The following WBP4 variants were observed in gnomAD, a reference collection of about 807,000 sequenced individuals.
WBP4 encodes the protein WW domain-binding protein 4.
WBP4 carries 37 observed loss-of-function variants against 55.4 expected under a neutral mutation model. The ratio of observed to expected loss-of-function variants is 0.67; its 90% confidence interval spans 0.51 to 0.88. The LOEUF is 0.88. Among genes scored for constraint, WBP4 ranks in the 40% least tolerant of loss-of-function variants. The pLI, the probability that WBP4 is intolerant of heterozygous loss-of-function variation, is 0.00. For missense variants in WBP4, 398 were observed against 420.8 expected (o/e 0.95, Z 0.47); for synonymous variants, 142 against 140.2 (o/e 1.01, Z -0.09).
At chr13:41,066,114 C>T (rs531229297) in intron 4 of WBP4, among the ~76,000 whole-genome samples, 97 of 152,214 alleles carry the variant, frequency 6.4e-4, no homozygotes, top group Middle Eastern at 3.4e-3. Context: ...TTGTTTGGTT[C>T]CTTGAGGATA....
At position 41,073,163 on chromosome 13, in the gene WBP4, A is replaced by G. The variant is rs181308103; in HGVS notation, c.562+306A>G. 6.9e-4 allele frequency among the ~76,000 whole-genome samples: 105 copies of G among 152,326 alleles called. 1 individual carries two copies. The highest frequency in any genetic ancestry group is 2.4e-3 in the African/African-American group (98 of 41,578). Reference sequence around the variant, plus strand: ...TTATAATTATTTTAGAAATATAGTCATTACCTTGGAAGGTAGCTTAGAGAT... The same window carrying G: ...TTATAATTATTTTAGAAATATAGTCGTTACCTTGGAAGGTAGCTTAGAGAT... On this transcript the variant is annotated intron_variant, in intron 7 of 9. Coordinates refer to ENST00000379487, the MANE Select transcript of WBP4 (RefSeq NM_007187.5).
chr13:41,062,649 A>G lies in WBP4; in HGVS notation c.8A>G (p.Asp3Gly), dbSNP rs769041912. 2 of 1,613,646 alleles carry G rather than the reference A, an allele frequency of 1.2e-6. No individual in the cohort carries two copies. Among genetic ancestry groups the G allele is most frequent in the Admixed American group, 3.3e-5 (2 of 59,970 alleles). Residue 3 changes from aspartate (D) to glycine (G), a missense_variant, in exon 2 of 10, where the codon GAC (aspartate) becomes GGC (glycine). Physicochemically the swap from Asp to Gly is moderately conservative, Grantham distance 94 (BLOSUM62 -1). Transcript: ENST00000379487. MA[D>G]YWKSQPKKFC... ...TTGTTGTCTCTCTTTTTCAGGGCGGACTACTGGAAGTCACAGCCAAAGAAA... is the reference window on the plus strand; with the variant it reads ...TTGTTGTCTCTCTTTTTCAGGGCGGGCTACTGGAAGTCACAGCCAAAGAAA...
At position 41,065,051 on chromosome 13, in the gene WBP4, G is replaced by A. The variant is rs970800820; in HGVS notation, c.111G>A (p.Lys37=). The A allele has an allele frequency of 6.3e-7, 1 of 1,593,896 alleles. No homozygotes were observed. The highest frequency in any genetic ancestry group is 2.3e-5 in the East Asian group (1 of 44,294). Residue 37 remains lysine (K), a synonymous_variant, in exon 3 of 10, where the codon AAG becomes AAA. Transcript: ENST00000379487. ...VEFHERGKNH[K]ENVAKRISEI... is the part of the protein sequence containing the mutation. Reference sequence around the variant, plus strand: ...TTCATGAAAGAGGAAAGAATCATAAGGAAAATGTGGCAAAAAGGATCAGTG... The same window carrying A: ...TTCATGAAAGAGGAAAGAATCATAAAGAAAATGTGGCAAAAAGGATCAGTG...
chr13:41,067,196 C>T (rs1370454768), intron 4 of WBP4, among the ~76,000 whole-genome samples: 1 of 152,136 alleles, frequency 6.6e-6, no homozygotes, highest in Non-Finnish European at 1.5e-5. Context: ...TCAAGCAATC[C>T]ACCTGCCTGG....
chr13:41,062,782 G>A (rs978629144), intron 2 of WBP4, 66 bp downstream of exon 2: 1 of 1,452,432 alleles, frequency 6.9e-7, no homozygotes, highest in Non-Finnish European at 9.4e-7. Flanking sequence ...CCTTTTTGAT[G>A]TAAACTCAGT....
rs746203140 is a variant in WBP4 at position 41,061,699 on chromosome 13, A to C, written c.2+24A>C. ...ATGTGAGTTGGGTCTCAGGCCCTGA[A>C]CAACGAGGTGTTGTTTCTCTGGGCC... On this transcript the variant is annotated intron_variant, in intron 1 of 9. Transcript: ENST00000379487. 5.6e-6 allele frequency: 9 copies of C among 1,613,918 alleles called. No individual in the cohort carries two copies. In the South Asian group the frequency reaches 9.9e-5, roughly 18 times the overall value.
rs552850889 is a variant in WBP4 at position 41,082,743 on chromosome 13, G to A, written c.960G>A (p.Glu320=). ...TGGAACTTCCAAGCACTGAAAATGA[G>A]TATGTATCAACTTCAGAAGCTGATG... ...VDLELPSTEN[E]YVSTSEADGG... The change falls in exon 10 of 10, where the codon GAG becomes GAA. Residue 320 remains glutamate, a synonymous_variant. Transcript: ENST00000379487. The A allele has an allele frequency of 6.2e-7, 1 of 1,614,072 alleles. No individual in the cohort carries two copies. Among genetic ancestry groups the A allele is most frequent in the South Asian group, 1.1e-5 (1 of 91,086 alleles).
chr13:41,081,629 C>A (rs533572600), intron 9 of WBP4, among the ~76,000 whole-genome samples: 1 of 152,196 alleles, frequency 6.6e-6, no homozygotes, highest in South Asian at 2.1e-4. Context: ...CTTAAAACAG[C>A]CTATGATAAC....
At chr13:41,062,311 C>T (rs1328167371) in intron 1 of WBP4, 6 of 974,260 alleles carry the variant, frequency 6.2e-6, no homozygotes, top group Non-Finnish European at 7.3e-6. Context: ...GTTTCCATTA[C>T]AGCAACCTCC....
At chr13:41,074,965 A>G (rs1878414540) in intron 7 of WBP4, among the ~76,000 whole-genome samples, 1 of 152,216 alleles carries the variant, frequency 6.6e-6, no homozygotes, top group Non-Finnish European at 1.5e-5. Context: ...AAATAAATAA[A>G]TAAAAATAAA....
intron 8 of WBP4, 56 bp downstream of exon 8, chr13:41,076,293 T>C: frequency 1.6e-6 from 2 of 1,280,874 alleles, no homozygotes; most frequent in Non-Finnish European, 2.1e-6. Context: ...TTTTTTTTTT[T>C]TTTTGAGATG....
At chr13:41,061,805 G>C (rs1227330786) in intron 1 of WBP4, 130 bp downstream of exon 1, 8 of 1,467,306 alleles carry the variant, frequency 5.5e-6, no homozygotes, top group African/African-American at 2.8e-5. Context: ...TAACTCGCTC[G>C]GGACCGGCCC....
intron 2 of WBP4, among the ~76,000 whole-genome samples, chr13:41,063,284 C>G (rs183468548): frequency 6.6e-6 from 1 of 152,164 alleles, no homozygotes; most frequent in African/African-American, 2.4e-5. Context: ...TTTCTCCCCT[C>G]TTGCATGTCA....
chr13:41,065,393 T>C, intron 4 of WBP4, 106 bp downstream of exon 4: 2 of 1,407,198 alleles, frequency 1.4e-6, no homozygotes, highest in Non-Finnish European at 1.9e-6. Flanking sequence ...ATAAACTCAG[T>C]GTACTCTCAG....
At chr13:41,074,833 A>G (rs1878405223) in intron 7 of WBP4, among the ~76,000 whole-genome samples, 1 of 152,186 alleles carries the variant, frequency 6.6e-6, no homozygotes, top group Admixed American at 6.5e-5. Flanking sequence ...TGTCTCTACT[A>G]AAAATACAAA....
chr13:41,078,798 G>C (rs889723214), intron 8 of WBP4, among the ~76,000 whole-genome samples: 1 of 151,840 alleles, frequency 6.6e-6, no homozygotes, highest in African/African-American at 2.4e-5. Flanking sequence ...TTGCATTCCA[G>C]CCTGGGCGAC....
chr13:41,075,156 C>A (rs1000401406), intron 7 of WBP4, among the ~76,000 whole-genome samples: 7 of 152,066 alleles, frequency 4.6e-5, no homozygotes, highest in African/African-American at 1.4e-4. Flanking sequence ...CAGCCCCTTT[C>A]ACTCTTAAAA....
chr13:41,080,471 A>G (rs1878720021), intron 8 of WBP4, among the ~76,000 whole-genome samples, 175 bp from the exon 9 acceptor site: 1 of 152,208 alleles, frequency 6.6e-6, no homozygotes, highest in South Asian at 2.1e-4. Flanking sequence ...CATTTCAGAC[A>G]TGGAAAACCT....
At chr13:41,080,019 C>T (rs1878696045) in intron 8 of WBP4, among the ~76,000 whole-genome samples, 1 of 127,682 alleles carries the variant, frequency 7.8e-6, no homozygotes, top group Non-Finnish European at 1.6e-5. Flanking sequence ...AGTGGGCACA[C>T]ATGGACATAC....
Sources: allele counts gnomAD v4.1 joint callset (sites outside exome capture counted in the v4.1 genomes callset), GRCh38; gene constraint gnomAD v4.1.1; transcripts MANE v1.5; gene names NCBI Gene and HGNC (gene_info 2026-07-23, HGNC 2026-07-21).